STPG1: variants seen among roughly 807,000 people sequenced by gnomAD.
STPG1 encodes the protein O(6)-methylguanine-induced apoptosis 2.
A neutral mutation model predicts 40.1 loss-of-function variants in STPG1; 33 were observed. That is an observed-to-expected ratio of 0.82 (90% CI 0.62 to 1.10). The LOEUF (loss-of-function observed/expected upper bound fraction) is 1.10, where lower values mean the gene tolerates loss of function less well. Ranked by LOEUF, STPG1 falls within the 50% of genes least tolerant of loss-of-function variation. The probability of loss-of-function intolerance (pLI) is 0.00; values close to 1 mark genes in which losing one functional copy is unlikely to be tolerated. For synonymous variants in STPG1, 150 were observed against 155.0 expected (o/e 0.97, Z 0.24); for missense variants, 396 against 415.1 (o/e 0.95, Z 0.40).
intron 7 of STPG1, among the ~76,000 whole-genome samples, chr1:24,366,627 C>A (rs976661034): frequency 5.9e-5 from 9 of 152,134 alleles, no homozygotes; most frequent in African/African-American, 2.2e-4. Context: ...TAATCTGGAC[C>A]TCCTCTGTGG....
chr1:24,391,591 A>C lies in STPG1; in HGVS notation c.159T>G (p.Asn53Lys). Residue 53 changes from asparagine (N) to lysine (K), a missense_variant, in exon 3 of 9, where the codon AAT (asparagine) becomes AAG (lysine). Coordinates refer to ENST00000337248, the MANE Select transcript of STPG1 (RefSeq NM_001199013.2). ...VIPESEKKGF[N>K]SQAKRFPHKK... is the part of the protein sequence containing the mutation. Reference sequence around the variant, plus strand: ...TATGAGGAAATCTCTTGGCTTGACTATTGAATCCTTTTTTTTCTGATTCTG... The same window carrying C: ...TATGAGGAAATCTCTTGGCTTGACTCTTGAATCCTTTTTTTTCTGATTCTG... 2 of 1,546,022 alleles carry C rather than the reference A, an allele frequency of 1.3e-6. No homozygotes were observed. Among genetic ancestry groups the C allele is most frequent in the Non-Finnish European group, 1.8e-6 (2 of 1,142,768 alleles).
chr1:24,373,728 G>T lies in STPG1; in HGVS notation c.545C>A (p.Ala182Asp). The T allele has an allele frequency of 3.7e-6, 6 of 1,611,668 alleles. No individual in the cohort carries two copies. Among genetic ancestry groups the T allele is most frequent in the Non-Finnish European group, 5.1e-6 (6 of 1,177,866 alleles). Reference protein sequence around the residue: ...FMSKTQRGSFAFADKGPPPGH... With the variant: ...FMSKTQRGSFDFADKGPPPGH... ...TGGGGGAGGTCCTTTATCAGCAAAA[G>T]CGAAAGATCCTCTTTGGGTTTTTGA... Residue 182 changes from alanine (A) to aspartate (D), a missense_variant, in exon 6 of 9, where the codon GCT (alanine) becomes GAT (aspartate). Coordinates refer to ENST00000337248, the MANE Select transcript of STPG1 (RefSeq NM_001199013.2).
chr1:24,372,251 C>G (rs1641787540), intron 6 of STPG1, among the ~76,000 whole-genome samples: 1 of 152,192 alleles, frequency 6.6e-6, no homozygotes, highest in Non-Finnish European at 1.5e-5. Flanking sequence ...ACCTGCTTTT[C>G]TATCTCCTCT....
chr1:24,370,499 A>AT (rs201045265), intron 6 of STPG1, among the ~76,000 whole-genome samples: 3 of 148,966 alleles, frequency 2.0e-5, no homozygotes, highest in South Asian at 2.1e-4. Context: ...TAAAAAAAAA[A>AT]TTTTTTTTTT....
chr1:24,400,135 G>T (rs1643163082), intron 2 of STPG1, among the ~76,000 whole-genome samples: 1 of 152,152 alleles, frequency 6.6e-6, no homozygotes, highest in African/African-American at 2.4e-5. Context: ...ATGTCCTTCA[G>T]TAGTAGAATA....
chr1:24,358,482 C>T lies in STPG1; in HGVS notation c.*61G>A. ...GATCGGTCTCCTCCTGAGGAATGTC[C>T]TGGGGACGCTGGGCAGGGTGGGCTG... On this transcript the variant is annotated 3_prime_UTR_variant, in exon 9 of 9. Transcript: ENST00000337248. 7.2e-7 allele frequency: 1 copy of T among 1,393,080 alleles called. No individual in the cohort carries two copies. The highest frequency in any genetic ancestry group is 1.2e-5 in the South Asian group (1 of 86,638). The allele number at this position is 1,393,080 out of a possible 1,614,324, so 86.3% of individuals were successfully genotyped here. A position where few individuals can be genotyped will look rare whatever the true frequency, so the allele number is the denominator to read the frequency against.
chr1:24,405,473 T>C (rs572098316), intron 1 of STPG1, among the ~76,000 whole-genome samples: 34 of 152,358 alleles, frequency 2.2e-4, no homozygotes, highest in African/African-American at 8.2e-4. Flanking sequence ...AGTTATCTTT[T>C]TGTTGTTGAT....
chr1:24,394,124 G>A (rs1359651790), intron 2 of STPG1, among the ~76,000 whole-genome samples: 2 of 152,206 alleles, frequency 1.3e-5, no homozygotes, highest in African/African-American at 2.4e-5. Flanking sequence ...AGAAGGAACC[G>A]CCTGGCAGAA....
chr1:24,402,753 A>C (rs576418734), intron 1 of STPG1, among the ~76,000 whole-genome samples: 1 of 151,068 alleles, frequency 6.6e-6, no homozygotes, highest in Non-Finnish European at 1.5e-5. Context: ...CTCAAAAAAA[A>C]AAAACAAAAA....
intron 7 of STPG1, among the ~76,000 whole-genome samples, chr1:24,367,331 C>T (rs892463577): frequency 6.6e-6 from 1 of 152,194 alleles, no homozygotes; most frequent in African/African-American, 2.4e-5. Context: ...GAAGATATTT[C>T]TCCAGATAAA....
chr1:24,409,393 C>T (rs1450261073), intron 1 of STPG1, among the ~76,000 whole-genome samples: 1 of 152,132 alleles, frequency 6.6e-6, no homozygotes, highest in Non-Finnish European at 1.5e-5. Flanking sequence ...ATTCATTTAC[C>T]ACCCCTCAGT....
chr1:24,382,205 T>G (rs889722716), intron 4 of STPG1, among the ~76,000 whole-genome samples: 1 of 152,194 alleles, frequency 6.6e-6, no homozygotes, highest in Non-Finnish European at 1.5e-5. Context: ...CGCAAAGCCT[T>G]GTAGACAACC....
intron 1 of STPG1, among the ~76,000 whole-genome samples, chr1:24,403,722 T>A (rs548174739): frequency 6.6e-6 from 1 of 152,188 alleles, no homozygotes; most frequent in Admixed American, 6.5e-5. Context: ...GTCAAAAAAA[T>A]GGTCTTAAAA....
chr1:24,406,049 T>A (rs1451340199), intron 1 of STPG1, among the ~76,000 whole-genome samples: 1 of 152,090 alleles, frequency 6.6e-6, no homozygotes, highest in Non-Finnish European at 1.5e-5. Context: ...ATTGGAGTGT[T>A]TAGAACTTTT....
intron 7 of STPG1, chr1:24,364,357 G>A (rs1641317310): frequency 6.5e-7 from 1 of 1,542,882 alleles, no homozygotes; most frequent in Non-Finnish European, 8.7e-7. Flanking sequence ...GCACTTCACT[G>A]TAAACTCGGA....
intron 6 of STPG1, among the ~76,000 whole-genome samples, chr1:24,373,014 G>A (rs1641825879): frequency 6.6e-6 from 1 of 152,354 alleles, no homozygotes; most frequent in East Asian, 1.9e-4. Flanking sequence ...AATCTTGGAG[G>A]TTCCAGAAGG....
At chr1:24,365,988 G>C (rs541716743) in intron 7 of STPG1, among the ~76,000 whole-genome samples, 46 of 152,306 alleles carry the variant, frequency 3.0e-4, no homozygotes, top group African/African-American at 1.0e-3. Context: ...GTCATATCCA[G>C]CCATCCTCTC....
chr1:24,414,474 A>G (rs1054650732), upstream of STPG1: 2 of 141,048 alleles, frequency 1.4e-5, no homozygotes, highest in African/African-American at 2.7e-5. Flanking sequence ...CGACCTTGTC[A>G]CTCCCCTGCT....
At chr1:24,398,150 G>A (rs992117206) in intron 2 of STPG1, among the ~76,000 whole-genome samples, 1 of 151,974 alleles carries the variant, frequency 6.6e-6, no homozygotes, top group African/African-American at 2.4e-5. Context: ...ATCTCATTAT[G>A]GTTTTAATTT....
Sources: gnomAD v4.1 joint callset for allele counts (sites outside exome capture counted in the v4.1 genomes callset) on GRCh38, gnomAD v4.1.1 for gene constraint, MANE v1.5 for transcripts, NCBI Gene and HGNC (gene_info 2026-07-23, HGNC 2026-07-21) for gene names.